The following KDM4C variants were observed in gnomAD, a reference collection of about 807,000 sequenced individuals.
KDM4C encodes the protein lysine-specific demethylase 4C.
In KDM4C, 81 loss-of-function variants were observed where a neutral mutation model predicts 129.3. That is an observed-to-expected ratio of 0.63 (90% CI 0.52 to 0.75). The LOEUF is 0.75. Ranked by LOEUF, KDM4C falls within the 30% of genes least tolerant of loss-of-function variation. The probability of loss-of-function intolerance (pLI) is 0.00; values close to 1 mark genes in which losing one functional copy is unlikely to be tolerated. For synonymous variants in KDM4C, 573 were observed against 456.1 expected, an observed-to-expected ratio of 1.26 and a Z score of -3.26; for missense variants, 1,457 against 1,304.0, an observed-to-expected ratio of 1.12 and a Z score of -1.81.
At chr9:6,759,265 T>C (rs534597916) in intron 1 of KDM4C, among the ~76,000 whole-genome samples, 2 of 152,332 alleles carry the variant, frequency 1.3e-5, no homozygotes, top group South Asian at 4.1e-4. Flanking sequence ...CCATTTCAGT[T>C]TGCGGTATTT....
intron 5 of KDM4C, among the ~76,000 whole-genome samples, chr9:6,855,888 A>G (rs905906940): frequency 2.6e-5 from 4 of 152,124 alleles, no homozygotes; most frequent in Admixed American, 6.6e-5. Context: ...TCATTCGTTC[A>G]TTCATTTATT....
chr9:7,085,947 G>A (rs1431662794), intron 17 of KDM4C, among the ~76,000 whole-genome samples: 1 of 152,148 alleles, frequency 6.6e-6, no homozygotes, highest in Non-Finnish European at 1.5e-5. Flanking sequence ...CCTGAAGTCA[G>A]GAGTTCGAGA....
At chr9:6,814,789 T>A (rs1405306962) in intron 4 of KDM4C, 44 bp downstream of exon 4, 1 of 1,256,616 alleles carries the variant, frequency 8.0e-7, no homozygotes, top group Admixed American at 1.8e-5. Flanking sequence ...TCATTGGATG[T>A]GACAGTTTTG....
intron 8 of KDM4C, among the ~76,000 whole-genome samples, chr9:6,913,055 G>T (rs1211820579): frequency 6.6e-6 from 1 of 152,134 alleles, no homozygotes; most frequent in Non-Finnish European, 1.5e-5. Flanking sequence ...GTCCTCCCTG[G>T]AATCAGTGGA....
chr9:6,925,957 G>T (rs993357647), intron 8 of KDM4C, among the ~76,000 whole-genome samples: 4 of 152,138 alleles, frequency 2.6e-5, no homozygotes, highest in Non-Finnish European at 4.4e-5. Context: ...GGAGTGGAAC[G>T]TTTCCAGTGG....
chr9:6,881,808 G>T lies in KDM4C; in HGVS notation c.679+1747G>T, dbSNP rs989772087. Among the ~76,000 whole-genome samples the T allele has an allele frequency of 3.9e-5, 6 of 152,272 alleles. No individual in the cohort carries two copies. The East Asian group carries it at 1.2e-3, about 29-fold the overall frequency. On this transcript the variant is annotated intron_variant, in intron 6 of 21. Coordinates refer to ENST00000381309, the MANE Select transcript of KDM4C (RefSeq NM_015061.6). Reference sequence around the variant, plus strand: ...GAAAAGACCCTGCAAGATAGTGAAGGATTTGTATCTGATGACCAGATGCCA... The same window carrying T: ...GAAAAGACCCTGCAAGATAGTGAAGTATTTGTATCTGATGACCAGATGCCA...
intron 8 of KDM4C, among the ~76,000 whole-genome samples, chr9:6,912,182 C>A (rs956032749): frequency 1.2e-4 from 19 of 152,140 alleles, no homozygotes; most frequent in South Asian, 2.1e-4. Flanking sequence ...GCCCACCTGC[C>A]CCTTCCTCCT....
chr9:6,976,284 A>G lies in KDM4C; in HGVS notation c.922-4641A>G, dbSNP rs957594656. On this transcript the variant is annotated intron_variant, in intron 8 of 21. Transcript: ENST00000381309. ...TAGCAGTGCTTTGTTACTTCTTACT[A>G]TAGAAATAATGAGCAATTATGAATT... 2.0e-5 allele frequency among the ~76,000 whole-genome samples: 3 copies of G among 152,184 alleles called. No individual in the cohort carries two copies. The East Asian group carries it at 5.8e-4, about 29-fold the overall frequency.
At chr9:6,743,103 A>G (rs1817755318) in intron 1 of KDM4C, among the ~76,000 whole-genome samples, 1 of 152,200 alleles carries the variant, frequency 6.6e-6, no homozygotes, top group African/African-American at 2.4e-5. Flanking sequence ...CCTTGTAGAA[A>G]AAAATGCTGC....
At chr9:6,843,987 C>G (rs1249093239) in intron 4 of KDM4C, among the ~76,000 whole-genome samples, 1 of 152,108 alleles carries the variant, frequency 6.6e-6, no homozygotes, top group Non-Finnish European at 1.5e-5. Flanking sequence ...GCATGTGTCA[C>G]CATACCCGGC....
At chr9:7,071,169 C>A (rs1833142834) in intron 17 of KDM4C, among the ~76,000 whole-genome samples, 1 of 152,068 alleles carries the variant, frequency 6.6e-6, no homozygotes, top group African/African-American at 2.4e-5. Context: ...CAAAGAATAG[C>A]TAAATAAGTA....
intron 4 of KDM4C, among the ~76,000 whole-genome samples, chr9:6,818,197 A>C (rs12004793): frequency 6.6e-6 from 1 of 152,040 alleles, no homozygotes; most frequent in African/African-American, 2.4e-5. Context: ...CAGTTTTTTG[A>C]CTTTTGAAAC....
chr9:7,061,261 G>T (rs929504728), intron 17 of KDM4C, among the ~76,000 whole-genome samples: 7 of 152,156 alleles, frequency 4.6e-5, no homozygotes, highest in African/African-American at 1.2e-4. Context: ...TTTATTCATA[G>T]TTGAGCCATG....
intron 1 of KDM4C, among the ~76,000 whole-genome samples, chr9:6,747,394 A>G (rs1340029409): frequency 1.3e-5 from 2 of 151,206 alleles, no homozygotes; most frequent in Admixed American, 6.6e-5. Context: ...AAAAATACAT[A>G]AAAATTAGCT....
At chr9:7,148,805 C>G (rs1465921377) in intron 19 of KDM4C, among the ~76,000 whole-genome samples, 1 of 152,162 alleles carries the variant, frequency 6.6e-6, no homozygotes, top group Non-Finnish European at 1.5e-5. Flanking sequence ...GTGTCTGAGT[C>G]CAGCTGAGTC....
intron 5 of KDM4C, among the ~76,000 whole-genome samples, chr9:6,863,840 C>T (rs779836580): frequency 1.3e-5 from 2 of 150,378 alleles, no homozygotes; most frequent in African/African-American, 2.4e-5. Context: ...GAGGGCCAGG[C>T]TCTTTTTAAC....
rs941210036 is a variant in KDM4C, at chr9:7,011,619, T to C, written c.1787-79T>C. ...CCTTAATATCACAGATTCTGTGGAATGTTTATTTCTTTTGTACTCAGGGTG... is the reference window on the plus strand; with the variant it reads ...CCTTAATATCACAGATTCTGTGGAACGTTTATTTCTTTTGTACTCAGGGTG... On this transcript the variant is annotated intron_variant, in intron 12 of 21. Coordinates refer to ENST00000381309, the MANE Select transcript of KDM4C (RefSeq NM_015061.6). 5 of 1,263,200 alleles carry C rather than the reference T, an allele frequency of 4.0e-6. No individual in the cohort carries two copies. The African/African-American group carries it at 5.9e-5, about 15-fold the overall frequency. 78.2% of individuals were successfully genotyped at this position (1,263,200 alleles called of 1,614,324 possible).
At chr9:6,756,649 G>A (rs140912408), upstream of KDM4C, among the ~76,000 whole-genome samples, 243 of 152,326 alleles carry the variant, frequency 1.6e-3, 3 homozygotes, top group African/African-American at 5.7e-3. Flanking sequence ...CCCGTGAGGC[G>A]GAGGTTGCAG....
chr9:6,738,084 G>C (rs1000255725), intron 1 of KDM4C, among the ~76,000 whole-genome samples: 1 of 151,582 alleles, frequency 6.6e-6, no homozygotes, highest in African/African-American at 2.4e-5. Flanking sequence ...CAGTGAGGGA[G>C]ATCACACCAT....
Sources: gnomAD v4.1 joint callset for allele counts (sites outside exome capture counted in the v4.1 genomes callset) on GRCh38, gnomAD v4.1.1 for gene constraint, MANE v1.5 for transcripts, NCBI Gene and HGNC (gene_info 2026-07-23, HGNC 2026-07-21) for gene names.